The following DNAH7 variants were observed in gnomAD, a reference collection of about 807,000 sequenced individuals.
DNAH7 encodes the protein dynein axonemal heavy chain 7, also known as axonemal beta dynein heavy chain 7.
DNAH7 carries 397 observed loss-of-function variants against 444.6 expected under a neutral mutation model. That is an observed-to-expected ratio of 0.89 (90% CI 0.82 to 0.97). The LOEUF (loss-of-function observed/expected upper bound fraction) is 0.97, where lower values mean the gene tolerates loss of function less well. DNAH7 is among the 50% of genes least tolerant of loss of function. The pLI is 0.00. For synonymous variants in DNAH7, 1,636 were observed against 1,624.4 expected, an observed-to-expected ratio of 1.01 and a Z score of -0.17; for missense variants, 4,902 against 4,800.8, an observed-to-expected ratio of 1.02 and a Z score of -0.62.
intron 56 of DNAH7, 88 bp from the exon 57 acceptor site, chr2:195,794,626 G>C (rs1234646527): frequency 2.4e-6 from 3 of 1,251,168 alleles, no homozygotes; most frequent in Non-Finnish European, 3.4e-6. Context: ...GTTGGAAGGG[G>C]GAGGAAGTAT....
At chr2:196,061,214 G>C (rs534775439) in intron 1 of DNAH7, among the ~76,000 whole-genome samples, 2 of 152,008 alleles carry the variant, frequency 1.3e-5, no homozygotes, top group South Asian at 4.2e-4. Context: ...CTCATTTTCT[G>C]ATCTTCGTGT....
intron 25 of DNAH7, among the ~76,000 whole-genome samples, chr2:195,908,478 A>G (rs1313842763): frequency 6.6e-6 from 1 of 151,974 alleles, no homozygotes; most frequent in Non-Finnish European, 1.5e-5. Flanking sequence ...TACTCTCTAC[A>G]GCCATGTGTA....
intron 19 of DNAH7, among the ~76,000 whole-genome samples, chr2:195,940,589 C>T (rs1574833526): frequency 1.3e-5 from 2 of 151,968 alleles, no homozygotes; most frequent in African/African-American, 2.4e-5. Context: ...AGTGAACAGG[C>T]AACCTACAGA....
chr2:195,900,269 T>C lies in DNAH7; in HGVS notation c.4548+13A>G, dbSNP rs377253363. ...ATAGGAAATTTACAAGTAAGAAATA[T>C]TGTGTTCTCTACCTTCAGATTCCCA... On this transcript the variant is annotated intron_variant, in intron 28 of 64. Coordinates refer to ENST00000312428, the MANE Select transcript of DNAH7 (RefSeq NM_018897.3). 173 of 1,612,856 alleles carry C rather than the reference T, an allele frequency of 1.1e-4. No homozygotes were observed. Among genetic ancestry groups the C allele is most frequent in the Non-Finnish European group, 1.4e-4 (164 of 1,179,030 alleles).
chr2:195,890,517 T>C lies in DNAH7; in HGVS notation c.5046+1138A>G, dbSNP rs537859801. On this transcript the variant is annotated intron_variant, in intron 31 of 64. Transcript: ENST00000312428. The stretch of plus-strand genomic sequence containing the variant: ...ATAAAATAGAGGTATCTCATGATTA[T>C]TTCTGTGTAAATAATATAACTGTAT... Among the ~76,000 whole-genome samples, 69 of 152,318 alleles carry C rather than the reference T, an allele frequency of 4.5e-4. 1 individual carries two copies. Among genetic ancestry groups the C allele is most frequent in the African/African-American group, 1.6e-3 (66 of 41,566 alleles).
intron 56 of DNAH7, among the ~76,000 whole-genome samples, chr2:195,795,490 T>C (rs970403922): frequency 7.9e-5 from 12 of 152,130 alleles, no homozygotes; most frequent in African/African-American, 2.9e-4. Flanking sequence ...AGAAATTACA[T>C]CAACTATGAT....
chr2:196,001,960 G>T, intron 10 of DNAH7, 102 bp from the exon 11 acceptor site: 1 of 904,462 alleles, frequency 1.1e-6, no homozygotes, highest in Non-Finnish European at 1.6e-6. Flanking sequence ...GGTCTTCATA[G>T]AGAAGTATAT....
At chr2:195,810,559 G>C (rs1696919532) in intron 51 of DNAH7, among the ~76,000 whole-genome samples, 2 of 150,230 alleles carry the variant, frequency 1.3e-5, no homozygotes, top group Admixed American at 6.6e-5. Context: ...CTACGGGCGT[G>C]CACCACCATG....
intron 49 of DNAH7, among the ~76,000 whole-genome samples, chr2:195,819,551 AAAG>A (rs1697365619): frequency 6.6e-6 from 1 of 152,164 alleles, no homozygotes. Context: ...TCTATGATAT[AAAG>A]AAGAGTAAGA....
intron 54 of DNAH7, among the ~76,000 whole-genome samples, chr2:195,802,697 CAAAA>C (rs150439744): frequency 1.4e-5 from 2 of 146,006 alleles, no homozygotes; most frequent in Non-Finnish European, 3.0e-5. Flanking sequence ...AAAGGAAAAA[CAAAA>C]AAAAAACAAA....
chr2:195,921,230 AAG>A (rs1294188822), intron 24 of DNAH7, among the ~76,000 whole-genome samples: 2 of 152,200 alleles, frequency 1.3e-5, no homozygotes, highest in Non-Finnish European at 2.9e-5. Context: ...AGAGGAAAAG[AAG>A]TTATTGTATG....
rs1696875481 is a variant in DNAH7, at chr2:195,809,742, G to A, written c.9888+3C>T. ...TTTTCTTACAAATGAAAACAGTACTGACCGCCCGCTCATGCAGCAGTAGAT... is the reference window on the plus strand; with the variant it reads ...TTTTCTTACAAATGAAAACAGTACTAACCGCCCGCTCATGCAGCAGTAGAT... On this transcript the variant is annotated splice_donor_region_variant and intron_variant, in intron 52 of 64. Transcript: ENST00000312428. 6.3e-7 allele frequency: 1 copy of A among 1,576,628 alleles called. No individual in the cohort carries two copies. Among genetic ancestry groups the A allele is most frequent in the Non-Finnish European group, 8.6e-7 (1 of 1,163,208 alleles).
chr2:195,846,984 T>G (rs1266666031), intron 46 of DNAH7, among the ~76,000 whole-genome samples: 1 of 150,580 alleles, frequency 6.6e-6, no homozygotes, highest in Non-Finnish European at 1.5e-5. Flanking sequence ...TGTGTGTGTA[T>G]CCTATCAGTT....
chr2:195,789,168 A>ATT (rs111630566), intron 57 of DNAH7, among the ~76,000 whole-genome samples: 1 of 149,432 alleles, frequency 6.7e-6, no homozygotes, highest in Non-Finnish European at 1.5e-5. Flanking sequence ...AGATAATAGA[A>ATT]TTTTTTTTTT....
chr2:196,030,642 C>T (rs1695992806), intron 5 of DNAH7, among the ~76,000 whole-genome samples: 1 of 152,166 alleles, frequency 6.6e-6, no homozygotes, highest in African/African-American at 2.4e-5. Context: ...GTAAATACAG[C>T]CATTCCAGAT....
intron 57 of DNAH7, among the ~76,000 whole-genome samples, chr2:195,790,028 T>C (rs1218615374): frequency 6.6e-6 from 1 of 152,096 alleles, no homozygotes; most frequent in Non-Finnish European, 1.5e-5. Flanking sequence ...CATACACCAA[T>C]AATGTTCAAG....
intron 8 of DNAH7, among the ~76,000 whole-genome samples, chr2:196,020,637 G>A (rs35541604): frequency 0.049 from 7,256 of 146,924 alleles, 605 homozygotes; most frequent in African/African-American, 0.17. Context: ...TTGAGATGGA[G>A]TCTCACTCTG....
At position 195,875,699 on chromosome 2, in the gene DNAH7, T is replaced by C. The variant is rs371036276; in HGVS notation, c.6262A>G (p.Ile2088Val). 3 of 1,601,946 alleles carry C rather than the reference T, an allele frequency of 1.9e-6. No individual in the cohort carries two copies. The highest frequency in any genetic ancestry group is 1.3e-5 in the African/African-American group (1 of 74,474). The change falls in exon 38 of 65, where the codon ATC (isoleucine) becomes GTC (valine). Residue 2088 changes from isoleucine to valine, a missense_variant. By Grantham distance (29) the Ile-to-Val change is conservative. Transcript: ENST00000312428. Reference sequence around the variant, plus strand: ...CCTGGAGGTCCCATAGCACACATGATCTGAATGTCCACTAGTTTAATCATG... The same window carrying C: ...CCTGGAGGTCCCATAGCACACATGACCTGAATGTCCACTAGTTTAATCATG... ...CSMIKLVDIQ[I>V]MCAMGPPGGG...
At chr2:195,967,377 A>C (rs1337163681) in intron 17 of DNAH7, among the ~76,000 whole-genome samples, 1 of 152,184 alleles carries the variant, frequency 6.6e-6, no homozygotes, top group East Asian at 1.9e-4. Context: ...TCTACTTAAG[A>C]CATGAGTAGT....
Sources: allele counts gnomAD v4.1 joint callset (sites outside exome capture counted in the v4.1 genomes callset), GRCh38; gene constraint gnomAD v4.1.1; transcripts MANE v1.5; gene names NCBI Gene and HGNC (gene_info 2026-07-23, HGNC 2026-07-21).